The following SCFD2 variants were observed in gnomAD, a reference collection of about 807,000 sequenced individuals.
The protein encoded by SCFD2 is sec1 family domain containing 2, also known as sec1 family domain-containing protein 2.
Under a neutral mutation model 58.9 loss-of-function variants are expected in SCFD2, and 54 were observed. The ratio of observed to expected loss-of-function variants is 0.92; its 90% confidence interval spans 0.74 to 1.15. The LOEUF (loss-of-function observed/expected upper bound fraction) is 1.15, where lower values mean the gene tolerates loss of function less well. Among genes scored for constraint, SCFD2 ranks in the 50% most tolerant of loss-of-function variants. The pLI is 0.00. For missense variants in SCFD2, 805 were observed against 836.6 expected (o/e 0.96, Z 0.47); for synonymous variants, 321 against 335.9 (o/e 0.96, Z 0.49).
chr4:53,321,345 T>C (rs1351549693), intron 2 of SCFD2, among the ~76,000 whole-genome samples: 2 of 151,882 alleles, frequency 1.3e-5, no homozygotes, highest in African/African-American at 4.8e-5. Context: ...CCAAATAAAA[T>C]AGAAAGAAGA....
chr4:53,226,311 A>G (rs1240496420), intron 4 of SCFD2, among the ~76,000 whole-genome samples: 1 of 151,670 alleles, frequency 6.6e-6, no homozygotes, highest in Non-Finnish European at 1.5e-5. Context: ...TATGGGGGGG[A>G]GGGGACTAAT....
intron 5 of SCFD2, among the ~76,000 whole-genome samples, chr4:53,038,825 A>G (rs1722827115): frequency 6.6e-6 from 1 of 151,852 alleles, no homozygotes; most frequent in Non-Finnish European, 1.5e-5. Context: ...AGTAGCTGGG[A>G]CTATAGTCAT....
At chr4:53,251,373 A>T (rs1373572352) in intron 4 of SCFD2, among the ~76,000 whole-genome samples, 2 of 152,182 alleles carry the variant, frequency 1.3e-5, no homozygotes, top group South Asian at 4.1e-4. Flanking sequence ...ATCCTCCCTA[A>T]CTCATTTTAT....
chr4:53,054,347 C>T (rs144924998), intron 5 of SCFD2, among the ~76,000 whole-genome samples: 1 of 152,238 alleles, frequency 6.6e-6, no homozygotes, highest in Admixed American at 6.5e-5. Flanking sequence ...TTTTAGTTGA[C>T]TTTTTACATG....
At chr4:53,330,358 A>G (rs1317461556) in intron 2 of SCFD2, among the ~76,000 whole-genome samples, 2 of 152,042 alleles carry the variant, frequency 1.3e-5, no homozygotes, top group Admixed American at 6.6e-5. Context: ...AGGTCGGGTT[A>G]CCCTCAAAGG....
At chr4:52,898,215 T>A (rs528681245) in intron 7 of SCFD2, among the ~76,000 whole-genome samples, 7 of 152,338 alleles carry the variant, frequency 4.6e-5, no homozygotes, top group African/African-American at 1.7e-4. Context: ...TGTTTGCTCT[T>A]GCTTCTCTAG....
At chr4:53,216,222 T>C (rs1045077834) in intron 4 of SCFD2, among the ~76,000 whole-genome samples, 1 of 152,214 alleles carries the variant, frequency 6.6e-6, no homozygotes, top group Admixed American at 6.5e-5. Context: ...GAAGGAATGG[T>C]ACCAGCTCCT....
At chr4:53,001,518 T>C (rs1222145704) in intron 5 of SCFD2, among the ~76,000 whole-genome samples, 1 of 152,250 alleles carries the variant, frequency 6.6e-6, no homozygotes, top group African/African-American at 2.4e-5. Flanking sequence ...TTTCCAACTA[T>C]GTTGCATGGC....
At chr4:52,997,532 A>G (rs1721771142) in intron 5 of SCFD2, among the ~76,000 whole-genome samples, 1 of 152,208 alleles carries the variant, frequency 6.6e-6, no homozygotes, top group African/African-American at 2.4e-5. Flanking sequence ...TGGAGTGGAT[A>G]AGGCCATTAG....
intron 4 of SCFD2, among the ~76,000 whole-genome samples, chr4:53,220,436 A>C (rs537553341): frequency 6.6e-6 from 1 of 152,336 alleles, no homozygotes; most frequent in South Asian, 2.1e-4. Flanking sequence ...TACCACATGG[A>C]ACAATTGACT....
intron 2 of SCFD2, among the ~76,000 whole-genome samples, chr4:53,329,172 G>T (rs1158851278): frequency 6.6e-6 from 1 of 152,222 alleles, no homozygotes; most frequent in Non-Finnish European, 1.5e-5. Context: ...TGGGGAAGAG[G>T]CGCCCGCCAT....
intron 7 of SCFD2, among the ~76,000 whole-genome samples, chr4:52,898,382 C>A (rs558166286): frequency 6.6e-6 from 1 of 152,200 alleles, no homozygotes; most frequent in Non-Finnish European, 1.5e-5. Flanking sequence ...CAAAGAACAT[C>A]TTTATTTCTG....
chr4:53,299,244 C>G (rs1732173912), intron 3 of SCFD2, among the ~76,000 whole-genome samples: 1 of 152,058 alleles, frequency 6.6e-6, no homozygotes, highest in African/African-American at 2.4e-5. Flanking sequence ...GCAGAGAAGT[C>G]CTTAAAGGAC....
intron 3 of SCFD2, among the ~76,000 whole-genome samples, chr4:53,308,393 T>C (rs570502475): frequency 6.6e-6 from 1 of 152,300 alleles, no homozygotes; most frequent in South Asian, 2.1e-4. Flanking sequence ...TATCACATGG[T>C]ATGTTAGTCT....
At chr4:53,342,699 A>T (rs1214474784) in intron 2 of SCFD2, among the ~76,000 whole-genome samples, 3 of 152,150 alleles carry the variant, frequency 2.0e-5, no homozygotes, top group South Asian at 2.1e-4. Flanking sequence ...ATTGACCACA[A>T]AGTTGGAAGT....
At chr4:52,876,970 G>A (rs1183076897) in intron 8 of SCFD2, among the ~76,000 whole-genome samples, 3 of 152,240 alleles carry the variant, frequency 2.0e-5, no homozygotes, top group Middle Eastern at 3.4e-3. Flanking sequence ...AGCAAAGACG[G>A]TGGATTCCTC....
At chr4:53,201,279 GT>G (rs906328888) in intron 4 of SCFD2, among the ~76,000 whole-genome samples, 1 of 151,740 alleles carries the variant, frequency 6.6e-6, no homozygotes, top group African/African-American at 2.4e-5. Context: ...GAGGTGTTTG[GT>G]TTTTTCTCCT....
intron 4 of SCFD2, among the ~76,000 whole-genome samples, chr4:53,260,278 G>A (rs1159974007): frequency 1.3e-5 from 2 of 152,154 alleles, no homozygotes; most frequent in Non-Finnish European, 2.9e-5. Flanking sequence ...GAACAGAAGT[G>A]ATGAGAGTGT....
chr4:53,055,095 G>T (rs1305212564), intron 5 of SCFD2, among the ~76,000 whole-genome samples: 1 of 152,160 alleles, frequency 6.6e-6, no homozygotes, highest in Non-Finnish European at 1.5e-5. Context: ...CCTAATTGTG[G>T]TACCTAACAT....
Sources: gnomAD v4.1 joint callset for allele counts (sites outside exome capture counted in the v4.1 genomes callset) on GRCh38, gnomAD v4.1.1 for gene constraint, MANE v1.5 for transcripts, NCBI Gene and HGNC (gene_info 2026-07-23, HGNC 2026-07-21) for gene names.